The following THRB variants were observed in gnomAD, a reference collection of about 807,000 sequenced individuals.
THRB encodes nuclear receptor subfamily 1 group A member 2.
A neutral mutation model predicts 47.8 loss-of-function variants in THRB; 12 were observed. The observed-to-expected ratio is 0.25, with a 90% CI of 0.16 to 0.41. THRB has a LOEUF of 0.41. Ranked by LOEUF, THRB falls within the 10% of genes least tolerant of loss-of-function variation. The pLI is 1.00. For missense variants in THRB, 348 were observed against 589.2 expected (o/e 0.59, Z 4.24); for synonymous variants, 218 against 212.2 (o/e 1.03, Z -0.24).
At chr3:24,495,030 A>G (rs1351060851), upstream of THRB, 1 of 152,016 alleles carries the variant, frequency 6.6e-6, no homozygotes, top group Non-Finnish European at 1.5e-5. Flanking sequence ...CTCCACTTTT[A>G]TAGGCGTAGG....
At chr3:24,210,763 A>G (rs1328744108) in intron 4 of THRB, among the ~76,000 whole-genome samples, 16 of 152,162 alleles carry the variant, frequency 1.1e-4, no homozygotes, top group Admixed American at 1.0e-3. Flanking sequence ...GTTGACAGTA[A>G]GTAAGGTATG....
intron 3 of THRB, among the ~76,000 whole-genome samples, chr3:24,265,758 T>C (rs139929064): frequency 2.6e-5 from 4 of 152,288 alleles, no homozygotes; most frequent in African/African-American, 9.6e-5. Context: ...TATTTGAGTG[T>C]ATTAATTTGC....
intron 8 of THRB, among the ~76,000 whole-genome samples, chr3:24,138,002 A>G (rs2034908114): frequency 6.6e-6 from 1 of 151,380 alleles, no homozygotes; most frequent in African/African-American, 2.4e-5. Context: ...GTGCAAAAGG[A>G]GAGATTCAGG....
At chr3:24,402,499 CTT>C (rs60751951) in intron 1 of THRB, among the ~76,000 whole-genome samples, 2 of 134,808 alleles carry the variant, frequency 1.5e-5, no homozygotes, top group Non-Finnish European at 1.6e-5. Flanking sequence ...TTCTTTCTTC[CTT>C]TTTTTTTTTT....
rs149606650 is a variant in THRB, at chr3:24,257,278, G to C, written c.-42-28277C>G. ...GATATATTTTTTGGTATATCAAAAG[G>C]TATTTTTTGATACCTTTTCATTAAA... On this transcript the variant is annotated intron_variant, in intron 3 of 10. Coordinates refer to ENST00000646209, the MANE Select transcript of THRB (RefSeq NM_001354712.2). 1.3e-3 allele frequency among the ~76,000 whole-genome samples: 203 copies of C among 151,972 alleles called. 1 individual carries two copies. The highest frequency in any genetic ancestry group is 0.012 in the Admixed American group (180 of 15,270).
intron 4 of THRB, among the ~76,000 whole-genome samples, chr3:24,220,989 A>C (rs2047102299): frequency 6.6e-6 from 1 of 152,206 alleles, no homozygotes; most frequent in Non-Finnish European, 1.5e-5. Flanking sequence ...GACTCAGTTC[A>C]GTTACAGAAC....
chr3:24,317,680 G>C (rs762074365), intron 2 of THRB, among the ~76,000 whole-genome samples: 1 of 152,146 alleles, frequency 6.6e-6, no homozygotes, highest in Non-Finnish European at 1.5e-5. Context: ...TCAATTCTTA[G>C]ACTACCATAT....
At chr3:24,238,254 T>G (rs1415901777) in intron 3 of THRB, among the ~76,000 whole-genome samples, 4 of 61,700 alleles carry the variant, frequency 6.5e-5, no homozygotes, top group Non-Finnish European at 8.6e-5. Flanking sequence ...CTAAAGAGGG[T>G]GTGTGTGTAT....
rs1261304269 is a variant in THRB at position 24,397,491 on chromosome 3, G to T, written c.-260-60120C>A. Among the ~76,000 whole-genome samples the T allele has an allele frequency of 3.3e-5, 5 of 151,924 alleles. No individual in the cohort carries two copies. In the East Asian group the frequency reaches 7.7e-4, roughly 24 times the overall value. On this transcript the variant is annotated intron_variant, in intron 1 of 10. Coordinates refer to ENST00000646209, the MANE Select transcript of THRB (RefSeq NM_001354712.2). ...TCCTTTAGCACACAATATTGTGTAA[G>T]CCAAGAAGCCATATGTTCCTTGCAG...
At chr3:24,436,052 A>G (rs1456486092) in intron 1 of THRB, among the ~76,000 whole-genome samples, 1 of 152,132 alleles carries the variant, frequency 6.6e-6, no homozygotes, top group Non-Finnish European at 1.5e-5. Context: ...ACGTACTGAG[A>G]CCTCAGGGTG....
chr3:24,318,962 G>T (rs1041346253), intron 2 of THRB, among the ~76,000 whole-genome samples: 1 of 152,152 alleles, frequency 6.6e-6, no homozygotes, highest in Non-Finnish European at 1.5e-5. Flanking sequence ...CCTGAACCAA[G>T]AATTTAAAAA....
intron 2 of THRB, among the ~76,000 whole-genome samples, chr3:24,329,587 G>T (rs1049140556): frequency 2.0e-5 from 3 of 152,198 alleles, no homozygotes. Context: ...ACTCCAGTGG[G>T]CACCATTTAC....
chr3:24,372,275 A>G (rs1447612172), intron 1 of THRB, among the ~76,000 whole-genome samples: 1 of 152,108 alleles, frequency 6.6e-6, no homozygotes, highest in East Asian at 1.9e-4. Flanking sequence ...GCTAATTTCA[A>G]GCTACCAACA....
chr3:24,239,904 G>T (rs970339232), intron 3 of THRB, among the ~76,000 whole-genome samples: 5 of 152,098 alleles, frequency 3.3e-5, no homozygotes, highest in African/African-American at 9.7e-5. Context: ...GGTGACCCTA[G>T]GTCAAAAGAA....
chr3:24,307,401 T>C (rs7614672), intron 2 of THRB, among the ~76,000 whole-genome samples: 47,031 of 151,928 alleles, frequency 0.31, 7,426 homozygotes, highest in East Asian at 0.42. Flanking sequence ...GTTTTTTATA[T>C]AGTTGAAATT....
At chr3:24,207,546 C>T (rs1172395885) in intron 4 of THRB, among the ~76,000 whole-genome samples, 5 of 152,142 alleles carry the variant, frequency 3.3e-5, no homozygotes, top group Admixed American at 6.5e-5. Flanking sequence ...ACATCATCAT[C>T]TTGTCTCCTT....
intron 1 of THRB, among the ~76,000 whole-genome samples, chr3:24,431,263 C>T (rs73032359): frequency 0.091 from 3,694 of 40,768 alleles, 59 homozygotes; most frequent in East Asian, 0.3. Context: ...TCTCTCTCTA[C>T]ACACACACAC....
intron 3 of THRB, among the ~76,000 whole-genome samples, chr3:24,287,665 A>G (rs2055461672): frequency 6.6e-6 from 1 of 152,176 alleles, no homozygotes; most frequent in Non-Finnish European, 1.5e-5. Context: ...ATGTTTGAGA[A>G]TCTTTATTAT....
At chr3:24,361,881 A>G (rs982723736) in intron 1 of THRB, among the ~76,000 whole-genome samples, 1 of 152,162 alleles carries the variant, frequency 6.6e-6, no homozygotes, top group African/African-American at 2.4e-5. Context: ...ACTTATGGGC[A>G]GATGATAGCA....
Sources: allele counts gnomAD v4.1 joint callset (sites outside exome capture counted in the v4.1 genomes callset), GRCh38; gene constraint gnomAD v4.1.1; transcripts MANE v1.5; gene names NCBI Gene and HGNC (gene_info 2026-07-23, HGNC 2026-07-21).